The following SGK3 variants were observed in gnomAD, a reference collection of about 807,000 sequenced individuals.
SGK3 encodes serum/glucocorticoid regulated kinase family member 3.
SGK3 carries 47 observed loss-of-function variants against 68.5 expected under a neutral mutation model. That is an observed-to-expected ratio of 0.69 (90% CI 0.54 to 0.87). The LOEUF is 0.87. Among genes scored for constraint, SGK3 ranks in the 40% least tolerant of loss-of-function variants. The probability of loss-of-function intolerance (pLI) is 0.00; values close to 1 mark genes in which losing one functional copy is unlikely to be tolerated. For synonymous variants in SGK3, 181 were observed against 189.1 expected (o/e 0.96, Z 0.35); for missense variants, 479 against 575.5 (o/e 0.83, Z 1.72).
intron 1 of SGK3, among the ~76,000 whole-genome samples, chr8:66,723,129 ATATTTTTTTTTTTT>A (rs1192633129): frequency 2.5e-5 from 1 of 40,606 alleles, no homozygotes; most frequent in African/African-American, 9.2e-5. Flanking sequence ...ATATATATAT[ATATTTTTTTTTTTT>A]TTTTTTTTTG....
At chr8:66,747,576 G>A (rs904893633) in intron 1 of SGK3, among the ~76,000 whole-genome samples, 3 of 150,682 alleles carry the variant, frequency 2.0e-5, no homozygotes, top group Non-Finnish European at 4.4e-5. Flanking sequence ...TTTTTTTTTT[G>A]AGACAGGTTC....
At chr8:66,725,647 T>A (rs1804965660) in intron 1 of SGK3, among the ~76,000 whole-genome samples, 1 of 152,052 alleles carries the variant, frequency 6.6e-6, no homozygotes, top group African/African-American at 2.4e-5. Flanking sequence ...TTTTTTTTTT[T>A]AAGAATGCAT....
At chr8:66,821,436 C>A (rs1447244615) in intron 5 of SGK3, among the ~76,000 whole-genome samples, 3 of 152,024 alleles carry the variant, frequency 2.0e-5, no homozygotes, top group Non-Finnish European at 4.4e-5. Context: ...TGGTAAATGT[C>A]TATTTTGCTT....
chr8:66,796,336 T>TC (rs1296028027), intron 2 of SGK3, among the ~76,000 whole-genome samples: 24 of 137,978 alleles, frequency 1.7e-4, no homozygotes, highest in Non-Finnish European at 3.3e-4. Context: ...TTTTTTTTTT[T>TC]TTTTTTTTTT....
At chr8:66,760,152 C>G (rs2130457753) in intron 1 of SGK3, among the ~76,000 whole-genome samples, 1 of 152,130 alleles carries the variant, frequency 6.6e-6, no homozygotes, top group Admixed American at 6.6e-5. Flanking sequence ...GTTAGTATCA[C>G]TAAGTGAGTG....
intron 1 of SGK3, among the ~76,000 whole-genome samples, chr8:66,777,606 C>T (rs1806762789): frequency 6.6e-6 from 1 of 152,180 alleles, no homozygotes; most frequent in South Asian, 2.1e-4. Flanking sequence ...TTGTTGCAAA[C>T]CTGCCTCTCC....
Position 66,737,858 on chromosome 8 carries a change from C to T in SGK3, c.-122+25025C>T, listed in dbSNP as rs953183423. Among the ~76,000 whole-genome samples, 11 of 151,962 alleles carry T rather than the reference C, an allele frequency of 7.2e-5. No individual in the cohort carries two copies. In the East Asian group the frequency reaches 9.7e-4, roughly 13 times the overall value. ...CTTGAGCTCCTGACCTCTGGCCATC[C>T]GCCCACCTTGGCCTCCCAAAGTGCT... On this transcript the variant is annotated intron_variant, in intron 1 of 16. Coordinates refer to ENST00000521198, the MANE Select transcript of SGK3 (RefSeq NM_001033578.3).
intron 16 of SGK3, among the ~76,000 whole-genome samples, chr8:66,858,862 C>T (rs181348626): frequency 6.6e-6 from 1 of 152,098 alleles, no homozygotes; most frequent in Non-Finnish European, 1.5e-5. Context: ...CTTCTTCTTC[C>T]AATGTGGCCC....
chr8:66,803,224 G>C (rs573594298), intron 3 of SGK3, among the ~76,000 whole-genome samples: 1 of 152,206 alleles, frequency 6.6e-6, no homozygotes, highest in Non-Finnish European at 1.5e-5. Context: ...TTTTCAGTCT[G>C]CATTTTACTG....
At chr8:66,841,208 T>G (rs1809785160) in intron 13 of SGK3, 98 bp downstream of exon 13, 1 of 990,238 alleles carries the variant, frequency 1.0e-6, no homozygotes, top group South Asian at 2.7e-5. Context: ...AAAAGTAGAA[T>G]AAAAACTGTC....
At chr8:66,817,439 AC>A (rs1200788023) in intron 5 of SGK3, among the ~76,000 whole-genome samples, 2 of 151,542 alleles carry the variant, frequency 1.3e-5, no homozygotes, top group Non-Finnish European at 2.9e-5. Flanking sequence ...CAAAAAAAAA[AC>A]AAAAAAACAA....
At chr8:66,800,177 T>C (rs1807871359) in intron 3 of SGK3, among the ~76,000 whole-genome samples, 1 of 151,592 alleles carries the variant, frequency 6.6e-6, no homozygotes, top group Non-Finnish European at 1.5e-5. Flanking sequence ...CCGTCTCTAC[T>C]AAAAATACAA....
chr8:66,734,228 C>CTTTTTTTT (rs529741200), intron 1 of SGK3, among the ~76,000 whole-genome samples: 59 of 104,182 alleles, frequency 5.7e-4, no homozygotes, highest in African/African-American at 1.4e-3. Flanking sequence ...CTTTTTCTTT[C>CTTTTTTTT]TTTTTTTTTT....
intron 8 of SGK3, among the ~76,000 whole-genome samples, chr8:66,833,509 A>G (rs1390673856): frequency 1.3e-5 from 2 of 152,196 alleles, no homozygotes; most frequent in Admixed American, 6.5e-5. Context: ...AAATTTCAGA[A>G]TCAACATATC....
intron 1 of SGK3, among the ~76,000 whole-genome samples, chr8:66,717,268 G>A (rs1311676653): frequency 6.6e-6 from 1 of 151,086 alleles, no homozygotes; most frequent in Non-Finnish European, 1.5e-5. Flanking sequence ...GGTGGCTCAC[G>A]CCTATAATCC....
At chr8:66,722,681 G>T (rs2130338919) in intron 1 of SGK3, among the ~76,000 whole-genome samples, 1 of 152,270 alleles carries the variant, frequency 6.6e-6, no homozygotes, top group Non-Finnish European at 1.5e-5. Context: ...TACTGTATTA[G>T]GTCGTTCTTG....
Position 66,749,015 on chromosome 8 carries a change from C to T in SGK3, c.-122+36182C>T, listed in dbSNP as rs76028060. On this transcript the variant is annotated intron_variant, in intron 1 of 16. Transcript: ENST00000521198. ...GCTCAAGCGATCCTCCCATCTCAGC[C>T]GCTTGAGTAGCTCTGGGACTACAGG... Among the ~76,000 whole-genome samples, 470 of 152,188 alleles carry T rather than the reference C, an allele frequency of 3.1e-3. 3 individuals are homozygous for T. Among genetic ancestry groups the T allele is most frequent in the African/African-American group, 0.01 (433 of 41,516 alleles).
intron 6 of SGK3, among the ~76,000 whole-genome samples, chr8:66,827,943 G>A (rs1413209930): frequency 6.6e-6 from 1 of 152,022 alleles, no homozygotes; most frequent in Non-Finnish European, 1.5e-5. Flanking sequence ...CTAACACTGT[G>A]AAACCCCGTC....
intron 6 of SGK3, 119 bp downstream of exon 6, chr8:66,822,578 T>C: frequency 1.1e-6 from 1 of 877,722 alleles, no homozygotes. Context: ...TTCTACTATG[T>C]AGAACACATA....
Sources: gnomAD v4.1 joint callset for allele counts (sites outside exome capture counted in the v4.1 genomes callset) on GRCh38, gnomAD v4.1.1 for gene constraint, MANE v1.5 for transcripts, NCBI Gene and HGNC (gene_info 2026-07-23, HGNC 2026-07-21) for gene names.